Variants in ZHX2 observed in about 807,000 individuals in gnomAD.
ZHX2 encodes zinc fingers and homeoboxes protein 2.
Under a neutral mutation model 21.9 loss-of-function variants are expected in ZHX2, and 6 were observed. That is an observed-to-expected ratio of 0.27 (90% CI 0.15 to 0.54). The LOEUF is 0.54. ZHX2 is among the 20% of genes least tolerant of loss of function. ZHX2 has a pLI of 0.95. For synonymous variants in ZHX2, 434 were observed against 437.1 expected (o/e 0.99, Z 0.09); for missense variants, 908 against 1,090.7 (o/e 0.83, Z 2.36).
chr8:122,879,443 G>A (rs1819649459), intron 2 of ZHX2, among the ~76,000 whole-genome samples: 1 of 151,624 alleles, frequency 6.6e-6, no homozygotes, highest in Non-Finnish European at 1.5e-5. Context: ...TTGACCTCGT[G>A]ATCCACCCAC....
chr8:122,928,513 C>T (rs927271319), intron 2 of ZHX2, among the ~76,000 whole-genome samples: 1 of 151,958 alleles, frequency 6.6e-6, no homozygotes, highest in Admixed American at 6.6e-5. Context: ...AAATGGGGAA[C>T]CAGCATGGAT....
chr8:122,915,634 A>G (rs1306168454), intron 2 of ZHX2, among the ~76,000 whole-genome samples: 3 of 152,164 alleles, frequency 2.0e-5, no homozygotes, highest in Non-Finnish European at 4.4e-5. Flanking sequence ...TGGGTGATTA[A>G]TAGGACCACA....
At chr8:122,800,802 G>T (rs1412902804) in intron 1 of ZHX2, among the ~76,000 whole-genome samples, 3 of 152,204 alleles carry the variant, frequency 2.0e-5, no homozygotes, top group East Asian at 3.8e-4. Flanking sequence ...AGAAGCTAAA[G>T]AACTGAGAAC....
intron 3 of ZHX2, among the ~76,000 whole-genome samples, chr8:122,962,002 A>C (rs1482786114): frequency 1.3e-5 from 2 of 152,058 alleles, no homozygotes; most frequent in South Asian, 4.1e-4. Flanking sequence ...TGTTAATTGC[A>C]TCTCAGGAGG....
At chr8:122,874,694 A>G (rs1364716605) in intron 2 of ZHX2, among the ~76,000 whole-genome samples, 1 of 152,192 alleles carries the variant, frequency 6.6e-6, no homozygotes, top group Non-Finnish European at 1.5e-5. Context: ...CTGAGAAAAC[A>G]GAGGCACCTA....
At chr8:122,949,617 G>A (rs1002380675) in intron 2 of ZHX2, among the ~76,000 whole-genome samples, 3 of 152,178 alleles carry the variant, frequency 2.0e-5, no homozygotes, top group Non-Finnish European at 2.9e-5. Context: ...ACAGCAGCAC[G>A]TGGATAACTT....
chr8:122,929,151 T>C (rs569763142), intron 2 of ZHX2, among the ~76,000 whole-genome samples: 4 of 152,338 alleles, frequency 2.6e-5, no homozygotes, highest in African/African-American at 7.2e-5. Context: ...CTAGTTGTTA[T>C]AACGTTTTTC....
intron 1 of ZHX2, chr8:122,863,272 T>TC (rs1316457653): frequency 1.3e-5 from 2 of 150,436 alleles, no homozygotes; most frequent in Admixed American, 6.6e-5. Context: ...CTTTTTTTTT[T>TC]TTTTTCTTTT....
chr8:122,954,302 GTGTTT>G (rs970972813), intron 3 of ZHX2, among the ~76,000 whole-genome samples: 3 of 152,016 alleles, frequency 2.0e-5, no homozygotes, highest in African/African-American at 7.2e-5. Context: ...TTTGGTTTTG[GTGTTT>G]TGTTTTGTTT....
At chr8:122,796,107 G>T (rs891293704) in intron 1 of ZHX2, among the ~76,000 whole-genome samples, 2 of 151,308 alleles carry the variant, frequency 1.3e-5, no homozygotes, top group African/African-American at 2.4e-5. Flanking sequence ...GGAGGCAGAG[G>T]CTGCAGTGAG....
chr8:122,860,770 T>A (rs1168597577), intron 1 of ZHX2, among the ~76,000 whole-genome samples: 1 of 152,052 alleles, frequency 6.6e-6, no homozygotes, highest in Non-Finnish European at 1.5e-5. Context: ...GCGTGGTGGC[T>A]CACACCTGTA....
intron 2 of ZHX2, among the ~76,000 whole-genome samples, chr8:122,871,794 C>T (rs1302551417): frequency 6.9e-6 from 1 of 145,246 alleles, no homozygotes; most frequent in Non-Finnish European, 1.5e-5. Flanking sequence ...GTTTCCATTA[C>T]ATTAGTACTA....
chr8:122,970,581 A>C (rs1383395781), intron 3 of ZHX2, among the ~76,000 whole-genome samples: 2 of 152,180 alleles, frequency 1.3e-5, no homozygotes, highest in African/African-American at 2.4e-5. Flanking sequence ...CCCATCCTGC[A>C]GTCCTGTGCT....
At chr8:122,898,909 C>T (rs1466892303) in intron 2 of ZHX2, among the ~76,000 whole-genome samples, 1 of 152,218 alleles carries the variant, frequency 6.6e-6, no homozygotes, top group Non-Finnish European at 1.5e-5. Context: ...CACCTGTGGG[C>T]TCCTGCTGTT....
At chr8:122,811,830 A>G (rs1817936618) in intron 1 of ZHX2, 1 of 152,244 alleles carries the variant, frequency 6.6e-6, no homozygotes, top group Admixed American at 6.5e-5. Flanking sequence ...CCAAGAATTT[A>G]ATAAGCACTC....
At chr8:122,872,581 A>T (rs1036783208) in intron 2 of ZHX2, among the ~76,000 whole-genome samples, 1 of 152,210 alleles carries the variant, frequency 6.6e-6, no homozygotes, top group African/African-American at 2.4e-5. Context: ...GCCCTGGCCT[A>T]ACCCCCCGTT....
At chr8:122,875,128 G>GTTTTTT (rs1186885962) in intron 2 of ZHX2, among the ~76,000 whole-genome samples, 9 of 20,344 alleles carry the variant, frequency 4.4e-4, no homozygotes, top group African/African-American at 2.4e-3. Flanking sequence ...GGAAAACTCT[G>GTTTTTT]TTATATATAT....
intron 2 of ZHX2, among the ~76,000 whole-genome samples, chr8:122,933,983 C>T (rs925465792): frequency 6.6e-6 from 1 of 152,156 alleles, no homozygotes; most frequent in Non-Finnish European, 1.5e-5. Flanking sequence ...CGAGCCTGAG[C>T]AACATAGTGA....
At chr8:122,905,170 A>G (rs982800755) in intron 2 of ZHX2, among the ~76,000 whole-genome samples, 5 of 152,252 alleles carry the variant, frequency 3.3e-5, no homozygotes, top group Non-Finnish European at 5.9e-5. Flanking sequence ...CAAATTTGCC[A>G]TAAACCTACA....
Sources: gnomAD v4.1 joint callset for allele counts (sites outside exome capture counted in the v4.1 genomes callset) on GRCh38, gnomAD v4.1.1 for gene constraint, MANE v1.5 for transcripts, NCBI Gene and HGNC (gene_info 2026-07-23, HGNC 2026-07-21) for gene names.